The following CNTNAP2 variants were observed in gnomAD, a reference collection of about 807,000 sequenced individuals.
CNTNAP2 encodes contactin-associated protein-like 2.
Under a neutral mutation model 155.2 loss-of-function variants are expected in CNTNAP2, and 98 were observed. The ratio of observed to expected loss-of-function variants is 0.63; its 90% CI spans 0.54 to 0.75. CNTNAP2 has a LOEUF of 0.75. Ranked by LOEUF, CNTNAP2 falls within the 30% of genes least tolerant of loss-of-function variation. The pLI is 0.00. For synonymous variants in CNTNAP2, 651 were observed against 631.2 expected (o/e 1.03, Z -0.47); for missense variants, 1,727 against 1,688.1 (o/e 1.02, Z -0.40).
At chr7:147,161,756 A>T (rs911737506) in intron 8 of CNTNAP2, 1 of 152,154 alleles carries the variant, frequency 6.6e-6, no homozygotes, top group Admixed American at 6.5e-5. Flanking sequence ...GAATCTATCC[A>T]TTCTAGCATG....
intron 15 of CNTNAP2, among the ~76,000 whole-genome samples, chr7:148,073,232 G>A (rs1803415248): frequency 6.6e-6 from 1 of 152,176 alleles, no homozygotes. Flanking sequence ...GTATAAGATA[G>A]CGTCATGTGT....
At chr7:147,210,938 T>C (rs578234112) in intron 8 of CNTNAP2, among the ~76,000 whole-genome samples, 1 of 151,970 alleles carries the variant, frequency 6.6e-6, no homozygotes, top group African/African-American at 2.4e-5. Context: ...TCTGAGAGAG[T>C]ATGCTTCGTA....
intron 11 of CNTNAP2, among the ~76,000 whole-genome samples, chr7:147,499,384 C>A (rs969028099): frequency 1.3e-5 from 2 of 151,918 alleles, no homozygotes; most frequent in Admixed American, 1.3e-4. Flanking sequence ...AAAAAAATAG[C>A]TGGGCGTGGT....
At chr7:146,629,309 T>C (rs1799471600) in intron 1 of CNTNAP2, among the ~76,000 whole-genome samples, 1 of 152,176 alleles carries the variant, frequency 6.6e-6, no homozygotes, top group South Asian at 2.1e-4. Flanking sequence ...AAATGTAATG[T>C]CTTTGTCATA....
intron 11 of CNTNAP2, among the ~76,000 whole-genome samples, chr7:147,489,719 G>A (rs1293795017): frequency 2.0e-5 from 3 of 152,078 alleles, no homozygotes; most frequent in East Asian, 3.9e-4. Flanking sequence ...AGGTTCAAGC[G>A]ATTCTGCTGC....
chr7:146,488,135 A>G (rs886256929), intron 1 of CNTNAP2, among the ~76,000 whole-genome samples: 2 of 152,144 alleles, frequency 1.3e-5, no homozygotes, highest in Non-Finnish European at 2.9e-5. Context: ...GTCAAATTGT[A>G]TCACCACATC....
At chr7:147,189,510 A>C (rs1005466480) in intron 8 of CNTNAP2, among the ~76,000 whole-genome samples, 2 of 152,186 alleles carry the variant, frequency 1.3e-5, no homozygotes, top group African/African-American at 2.4e-5. Context: ...AACATATCAG[A>C]AACAACTAAA....
intron 11 of CNTNAP2, among the ~76,000 whole-genome samples, chr7:147,487,378 C>A (rs1798528527): frequency 6.6e-6 from 1 of 152,014 alleles, no homozygotes; most frequent in Non-Finnish European, 1.5e-5. Context: ...AGAGTTATAA[C>A]TAAAATTGTT....
intron 1 of CNTNAP2, among the ~76,000 whole-genome samples, chr7:146,124,131 G>C (rs536341738): frequency 1.3e-5 from 2 of 152,222 alleles, no homozygotes; most frequent in African/African-American, 4.8e-5. Flanking sequence ...ATAGCATTAG[G>C]AGAAATACCT....
chr7:147,048,350 A>G (rs34492923), intron 4 of CNTNAP2, among the ~76,000 whole-genome samples: 30,480 of 150,964 alleles, frequency 0.2, 3,287 homozygotes, highest in East Asian at 0.32. Flanking sequence ...AAGGAAGGCC[A>G]GCAGCTCAAA....
intron 20 of CNTNAP2, among the ~76,000 whole-genome samples, chr7:148,257,415 C>A (rs935840251): frequency 2.0e-5 from 3 of 152,180 alleles, no homozygotes; most frequent in Non-Finnish European, 4.4e-5. Flanking sequence ...TGTTTCTTGG[C>A]CTCTTTCTTC....
At chr7:147,872,484 A>G (rs1296782444) in intron 13 of CNTNAP2, among the ~76,000 whole-genome samples, 2 of 152,202 alleles carry the variant, frequency 1.3e-5, no homozygotes, top group Non-Finnish European at 2.9e-5. Context: ...AGTCTAACCA[A>G]TCTACCTTCT....
intron 11 of CNTNAP2, among the ~76,000 whole-genome samples, chr7:147,515,679 C>T (rs886924486): frequency 1.5e-4 from 23 of 152,170 alleles, no homozygotes; most frequent in Non-Finnish European, 2.6e-4. Flanking sequence ...ACCTGTCTCC[C>T]GCAATTAGAA....
At chr7:146,129,184 C>A (rs559307162) in intron 1 of CNTNAP2, among the ~76,000 whole-genome samples, 1 of 152,056 alleles carries the variant, frequency 6.6e-6, no homozygotes, top group Non-Finnish European at 1.5e-5. Flanking sequence ...TAATCACCCA[C>A]GTATCAATTT....
intron 1 of CNTNAP2, among the ~76,000 whole-genome samples, chr7:146,383,234 G>A (rs1403448323): frequency 1.3e-5 from 2 of 152,138 alleles, no homozygotes; most frequent in African/African-American, 2.4e-5. Flanking sequence ...GATTAATTCT[G>A]TGTTGCTTTG....
intron 1 of CNTNAP2, among the ~76,000 whole-genome samples, chr7:146,229,157 A>ATGG (rs1799343172): frequency 6.6e-6 from 1 of 152,218 alleles, no homozygotes; most frequent in East Asian, 1.9e-4. Context: ...CTGCTTAAAA[A>ATGG]ATATTCAATG....
intron 1 of CNTNAP2, among the ~76,000 whole-genome samples, chr7:146,434,112 T>C (rs553079484): frequency 6.6e-6 from 1 of 152,144 alleles, no homozygotes; most frequent in African/African-American, 2.4e-5. Context: ...TCACAAATGA[T>C]ACATGAGGAT....
intron 1 of CNTNAP2, among the ~76,000 whole-genome samples, chr7:146,326,750 G>A (rs1443885478): frequency 1.3e-5 from 2 of 152,156 alleles, no homozygotes; most frequent in Non-Finnish European, 2.9e-5. Flanking sequence ...AGCACTACTG[G>A]CAGCCAACTC....
intron 19 of CNTNAP2, among the ~76,000 whole-genome samples, chr7:148,229,358 C>T (rs769434756): frequency 6.6e-6 from 1 of 152,062 alleles, no homozygotes; most frequent in African/African-American, 2.4e-5. Flanking sequence ...ACCCCCATCA[C>T]TACTGAAAAT....
Sources: allele counts gnomAD v4.1 joint callset (sites outside exome capture counted in the v4.1 genomes callset), GRCh38; gene constraint gnomAD v4.1.1; transcripts MANE v1.5; gene names NCBI Gene and HGNC (gene_info 2026-07-23, HGNC 2026-07-21).